HSD17B4: variants seen among roughly 807,000 people sequenced by gnomAD.
HSD17B4 encodes peroxisomal multifunctional enzyme type 2.
A neutral mutation model predicts 101.0 loss-of-function variants in HSD17B4; 70 were observed. The observed-to-expected ratio is 0.69, with a 90% CI of 0.57 to 0.85. The LOEUF (loss-of-function observed/expected upper bound fraction) is 0.85. Ranked by LOEUF, HSD17B4 falls within the 40% of genes least tolerant of loss-of-function variation. The probability of loss-of-function intolerance (pLI) is 0.00; values close to 1 mark genes in which losing one functional copy is unlikely to be tolerated. For synonymous variants in HSD17B4, 347 were observed against 297.1 expected, an observed-to-expected ratio of 1.17 and a Z score of -1.73; for missense variants, 984 against 892.4, an observed-to-expected ratio of 1.10 and a Z score of -1.31.
intron 17 of HSD17B4, among the ~76,000 whole-genome samples, chr5:119,521,732 A>G (rs1160509405): frequency 6.6e-6 from 1 of 151,214 alleles, no homozygotes; most frequent in African/African-American, 2.4e-5. Context: ...ATCATTACTT[A>G]TTTATTTCTT....
rs370435160 is a variant in HSD17B4, at chr5:119,459,263, G to C, written c.112+2895G>C. On this transcript the variant is annotated intron_variant, in intron 2 of 23. Transcript: ENST00000510025. ...TGCTGCCTAATTATATGACCTCTCT[G>C]TTTATAGCTGTCTTAGCTAACTTCC... Among the ~76,000 whole-genome samples the C allele has an allele frequency of 5.9e-5, 9 of 152,224 alleles. No individual in the cohort carries two copies. The East Asian group carries it at 1.5e-3, about 26-fold the overall frequency.
chr5:119,495,716 G>T (rs1750580314), intron 11 of HSD17B4: 2 of 187,666 alleles, frequency 1.1e-5, no homozygotes, highest in South Asian at 8.1e-5. Flanking sequence ...TGTCTCCCAG[G>T]CTGGAGTATG....
At chr5:119,524,259 G>A (rs1056248405) in intron 17 of HSD17B4, among the ~76,000 whole-genome samples, 1 of 151,890 alleles carries the variant, frequency 6.6e-6, no homozygotes, top group Non-Finnish European at 1.5e-5. Flanking sequence ...ATTATACAAA[G>A]CATATTAAAA....
In HSD17B4 at chr5:119,536,451, A is replaced by G. The variant is rs775607527; in HGVS notation, c.2022A>G (p.Lys674=). The G allele has an allele frequency of 6.2e-7, 1 of 1,612,430 alleles. No individual in the cohort carries two copies. Among genetic ancestry groups the G allele is most frequent in the South Asian group, 1.1e-5 (1 of 91,068 alleles). ...TTGACCTGAAAAGTGGTTCTGGAAA[A>G]GTGTACCAAGGCCCTGCAAAAGGTG... ...WTIDLKSGSG[K]VYQGPAKGAA... Residue 674 remains lysine (K), a synonymous_variant, in exon 23 of 24, where the codon AAA becomes AAG. Coordinates refer to ENST00000510025, the MANE Select transcript of HSD17B4 (RefSeq NM_000414.4).
At chr5:119,491,903 T>G (rs1750140241) in intron 9 of HSD17B4, among the ~76,000 whole-genome samples, 197 bp from the exon 10 acceptor site, 1 of 152,162 alleles carries the variant, frequency 6.6e-6, no homozygotes, top group African/African-American at 2.4e-5. Context: ...TTGTACTGTT[T>G]TACGTTTGTG....
chr5:119,459,951 A>G (rs1011297383), intron 2 of HSD17B4, among the ~76,000 whole-genome samples: 1 of 150,902 alleles, frequency 6.6e-6, no homozygotes, highest in African/African-American at 2.4e-5. Context: ...GCTCACTGCA[A>G]GCTCCACCTC....
chr5:119,521,270 C>T (rs1753091651), intron 17 of HSD17B4, among the ~76,000 whole-genome samples: 1 of 152,090 alleles, frequency 6.6e-6, no homozygotes, highest in Non-Finnish European at 1.5e-5. Context: ...AATTATCTTC[C>T]CCTGTAAGTT....
At chr5:119,516,034 A>G (rs537545298) in intron 17 of HSD17B4, among the ~76,000 whole-genome samples, 1 of 152,296 alleles carries the variant, frequency 6.6e-6, no homozygotes, top group East Asian at 1.9e-4. Context: ...TTTTTTTGGT[A>G]TGTTTGATAT....
At chr5:119,507,915 C>CAAG (rs1430806384) in intron 15 of HSD17B4, among the ~76,000 whole-genome samples, 1 of 151,486 alleles carries the variant, frequency 6.6e-6, no homozygotes, top group Non-Finnish European at 1.5e-5. Context: ...TTTTGGAACC[C>CAAG]AAGAACAGTA....
Position 119,517,003 on chromosome 5 carries a change from G to A in HSD17B4, c.1503+1957G>A, listed in dbSNP as rs866766195. Among the ~76,000 whole-genome samples, 47 of 152,352 alleles carry A rather than the reference G, an allele frequency of 3.1e-4. 1 individual carries two copies. Among genetic ancestry groups the A allele is most frequent in the African/African-American group, 9.1e-4 (38 of 41,588 alleles). ...CCTCTGCCTGGGCTCCCACTTTGGC[G>A]GCACTTGAGGAGCCCATCAGCCCAC... On this transcript the variant is annotated intron_variant, in intron 17 of 23. Transcript: ENST00000510025.
chr5:119,475,980 G>C, intron 6 of HSD17B4, 110 bp downstream of exon 6: 1 of 787,468 alleles, frequency 1.3e-6, no homozygotes, highest in Non-Finnish European at 2.2e-6. Flanking sequence ...TACTTTTGCT[G>C]CTAATATAAA....
At chr5:119,510,152 C>T (rs1177673997) in intron 16 of HSD17B4, among the ~76,000 whole-genome samples, 1 of 152,088 alleles carries the variant, frequency 6.6e-6, no homozygotes, top group South Asian at 2.1e-4. Flanking sequence ...TATATATTCT[C>T]TGTACAACAT....
At chr5:119,516,292 T>TA (rs1752607334) in intron 17 of HSD17B4, among the ~76,000 whole-genome samples, 1 of 152,140 alleles carries the variant, frequency 6.6e-6, no homozygotes, top group East Asian at 1.9e-4. Flanking sequence ...GTTAGAGTAC[T>TA]AAAAAACAGA....
chr5:119,454,280 C>G (rs1186989503), intron 1 of HSD17B4, among the ~76,000 whole-genome samples: 1 of 151,990 alleles, frequency 6.6e-6, no homozygotes, highest in Non-Finnish European at 1.5e-5. Flanking sequence ...TGGTTAAATT[C>G]TCTCTTACCC....
intron 23 of HSD17B4, among the ~76,000 whole-genome samples, chr5:119,537,246 A>G (rs1417433202): frequency 6.6e-6 from 1 of 152,180 alleles, no homozygotes; most frequent in Non-Finnish European, 1.5e-5. Context: ...TTTCCTGTAT[A>G]GAAAGACTAA....
At chr5:119,496,751 A>G in intron 12 of HSD17B4, 105 bp downstream of exon 12, 2 of 783,852 alleles carry the variant, frequency 2.6e-6, no homozygotes, top group Admixed American at 3.4e-5. Context: ...TTTCTTTTGG[A>G]TGCAGTTACT....
At chr5:119,512,515 C>G (rs180694829) in intron 16 of HSD17B4, among the ~76,000 whole-genome samples, 29 of 149,422 alleles carry the variant, frequency 1.9e-4, no homozygotes, top group Non-Finnish European at 2.5e-4. Context: ...TCATCAGAAA[C>G]AATGGAAGTC....
Position 119,474,435 on chromosome 5 carries a change from A to AGCCCT in HSD17B4, c.257_261dup (p.Asp88ProfsTer8). 1 of 1,609,428 alleles carries AGCCCT rather than the reference A, an allele frequency of 6.2e-7. No individual in the cohort carries two copies. The highest frequency in any genetic ancestry group is 8.5e-7 in the Non-Finnish European group (1 of 1,175,794). ...AAGAAGGAGAGAAGGTTGTGAAGAC[A>AGCCCT]GCCCTGGATGCTTTTGGAAGAATAG... On this transcript the variant is annotated frameshift_variant, in exon 4 of 24. Transcript: ENST00000510025. LOFTEE classifies it high-confidence loss of function.
intron 8 of HSD17B4, among the ~76,000 whole-genome samples, chr5:119,486,648 G>A (rs1372944654): frequency 6.6e-6 from 1 of 152,058 alleles, no homozygotes; most frequent in African/African-American, 2.4e-5. Flanking sequence ...TTATATTGCT[G>A]CAAGACTGTT....
Sources: gnomAD v4.1 joint callset for allele counts (sites outside exome capture counted in the v4.1 genomes callset) on GRCh38, gnomAD v4.1.1 for gene constraint, MANE v1.5 for transcripts, NCBI Gene and HGNC (gene_info 2026-07-23, HGNC 2026-07-21) for gene names.